The following UCHL5 variants were observed in gnomAD, a reference collection of about 807,000 sequenced individuals.
The protein encoded by UCHL5 is ubiquitin C-terminal hydrolase L5, also known as ubiquitin carboxyl-terminal hydrolase isozyme L5.
In UCHL5, 34 loss-of-function variants were observed where a neutral mutation model predicts 53.8. The ratio of observed to expected loss-of-function variants is 0.63; its 90% CI spans 0.48 to 0.84. The LOEUF (loss-of-function observed/expected upper bound fraction) is 0.84. Ranked by LOEUF, UCHL5 falls within the 40% of genes least tolerant of loss-of-function variation. UCHL5 has a pLI of 0.00. For synonymous variants in UCHL5, 111 were observed against 126.3 expected, an observed-to-expected ratio of 0.88 and a Z score of 0.81; for missense variants, 290 against 385.6, an observed-to-expected ratio of 0.75 and a Z score of 2.08.
intron 3 of UCHL5, among the ~76,000 whole-genome samples, chr1:193,042,285 A>C (rs1020675382): frequency 1.3e-5 from 2 of 152,222 alleles, no homozygotes; most frequent in African/African-American, 4.8e-5. Context: ...CGAGAAGTAC[A>C]TTGAACGATG....
At chr1:193,055,760 C>G (rs145753241) in intron 1 of UCHL5, among the ~76,000 whole-genome samples, 25 of 152,242 alleles carry the variant, frequency 1.6e-4, no homozygotes, top group Non-Finnish European at 3.1e-4. Context: ...GTATTGTTCA[C>G]TTAATGAATT....
chr1:193,027,945 A>G, intron 7 of UCHL5, 140 bp downstream of exon 7: 1 of 1,484,186 alleles, frequency 6.7e-7, no homozygotes, highest in Non-Finnish European at 8.9e-7. Context: ...CAACATGGTG[A>G]AAACCCGTCT....
At chr1:193,058,507 A>G (rs542323266) in intron 1 of UCHL5, among the ~76,000 whole-genome samples, 13 of 152,272 alleles carry the variant, frequency 8.5e-5, no homozygotes, top group Non-Finnish European at 1.6e-4. Flanking sequence ...GACGAAAGGC[A>G]CTAAATACAG....
intron 3 of UCHL5, among the ~76,000 whole-genome samples, chr1:193,046,547 G>A (rs1276379883): frequency 6.6e-6 from 1 of 151,478 alleles, no homozygotes; most frequent in African/African-American, 2.4e-5. Context: ...ATCTTCTCTA[G>A]GACTCGGTTT....
intron 3 of UCHL5, among the ~76,000 whole-genome samples, chr1:193,030,985 T>C (rs1166022599): frequency 6.6e-6 from 1 of 152,170 alleles, no homozygotes; most frequent in Admixed American, 6.5e-5. Context: ...TTTAAGCATT[T>C]TGTATTCAAA....
intron 3 of UCHL5, among the ~76,000 whole-genome samples, chr1:193,030,300 A>G (rs146684605): frequency 2.4e-4 from 37 of 152,328 alleles, no homozygotes; most frequent in African/African-American, 8.7e-4. Context: ...CTCTACATGC[A>G]TTATTTCTTT....
intron 3 of UCHL5, among the ~76,000 whole-genome samples, chr1:193,036,712 A>G (rs1004628564): frequency 6.6e-6 from 1 of 152,084 alleles, no homozygotes; most frequent in Non-Finnish European, 1.5e-5. Context: ...ATGGATATCC[A>G]GCATACACCG....
chr1:193,032,023 G>C (rs774770677), intron 3 of UCHL5, among the ~76,000 whole-genome samples: 6 of 152,156 alleles, frequency 3.9e-5, no homozygotes, highest in Admixed American at 1.3e-4. Flanking sequence ...AGTTTGGTTT[G>C]AATTCCTACG....
chr1:193,035,705 G>T (rs1663113530), intron 3 of UCHL5, among the ~76,000 whole-genome samples: 2 of 151,992 alleles, frequency 1.3e-5, no homozygotes, highest in Non-Finnish European at 2.9e-5. Context: ...GAATAATATT[G>T]TCACTATGGT....
intron 3 of UCHL5, among the ~76,000 whole-genome samples, chr1:193,047,806 T>C (rs1667823155): frequency 6.6e-6 from 1 of 152,196 alleles, no homozygotes; most frequent in African/African-American, 2.4e-5. Context: ...ATCTGCACTG[T>C]TGGCACAAAA....
intron 3 of UCHL5, among the ~76,000 whole-genome samples, chr1:193,036,477 C>T (rs950133453): frequency 2.0e-5 from 3 of 151,914 alleles, no homozygotes; most frequent in Non-Finnish European, 1.5e-5. Flanking sequence ...AATATGTATA[C>T]GCCTAACACC....
intron 3 of UCHL5, among the ~76,000 whole-genome samples, chr1:193,035,214 G>A (rs1186135096): frequency 6.6e-6 from 1 of 151,814 alleles, no homozygotes; most frequent in African/African-American, 2.4e-5. Flanking sequence ...ATAGATGAAA[G>A]TGAACTGCCT....
chr1:193,045,341 C>T (rs1192248686), intron 3 of UCHL5, among the ~76,000 whole-genome samples: 1 of 152,220 alleles, frequency 6.6e-6, no homozygotes. Flanking sequence ...ATCCCCAATG[C>T]TGAAGGTGGG....
At position 193,013,954 on chromosome 1, in the gene UCHL5, G is replaced by T. The variant is rs891606215; in HGVS notation, c.*2397C>A. The T allele has an allele frequency of 6.6e-6, 1 of 151,910 alleles. No homozygotes were observed. The highest frequency in any genetic ancestry group is 1.5e-5 in the Non-Finnish European group (1 of 67,966). The allele number at this position is 151,910 out of a possible 1,614,324, so 9.4% of individuals were successfully genotyped here. On this transcript the variant is annotated 3_prime_UTR_variant, in exon 11 of 11. Coordinates refer to ENST00000367454, the MANE Select transcript of UCHL5 (RefSeq NM_001199261.3). ...AGCCAGTGCCGCAGCTGTTGGCAAG[G>T]TTTTTGTTGATAATAACAGAAGTAC...
intron 7 of UCHL5, among the ~76,000 whole-genome samples, chr1:193,026,112 C>G (rs986760174): frequency 6.7e-6 from 1 of 150,066 alleles, no homozygotes; most frequent in Non-Finnish European, 1.5e-5. Flanking sequence ...AAAAATGACC[C>G]GTGATCTAAA....
At chr1:193,038,753 T>C (rs1187514689) in intron 3 of UCHL5, among the ~76,000 whole-genome samples, 1 of 151,944 alleles carries the variant, frequency 6.6e-6, no homozygotes, top group African/African-American at 2.4e-5. Context: ...CTCAGCACTT[T>C]GGGAGGCTGA....
intron 7 of UCHL5, chr1:193,027,826 C>G (rs952229201): frequency 8.7e-7 from 1 of 1,147,002 alleles, no homozygotes; most frequent in South Asian, 1.3e-5. Context: ...TTAACCCAAT[C>G]AAAAGTAGAT....
rs1029043932 is a variant in UCHL5, at chr1:193,013,565, T to C, written c.*2786A>G. On this transcript the variant is annotated 3_prime_UTR_variant, in exon 11 of 11. Coordinates refer to ENST00000367454, the MANE Select transcript of UCHL5 (RefSeq NM_001199261.3). Reference sequence around the variant, plus strand: ...ATGTTAATGTGCTCATCCCTGTAAATAGAAATATGGTAATTTAAATTTTAT... The same window carrying C: ...ATGTTAATGTGCTCATCCCTGTAAACAGAAATATGGTAATTTAAATTTTAT... 2.0e-5 allele frequency: 3 copies of C among 152,128 alleles called. No homozygotes were observed. The highest frequency in any genetic ancestry group is 2.9e-5 in the Non-Finnish European group (2 of 68,018). The allele number at this position is 152,128 out of a possible 1,614,324, so 9.4% of individuals were successfully genotyped here. A position where few individuals can be genotyped will look rare whatever the true frequency, so the allele number is the denominator to read the frequency against.
In UCHL5 at chr1:193,021,093, T is replaced by G; in HGVS notation, c.942+4A>C. 6.3e-7 allele frequency: 1 copy of G among 1,574,966 alleles called. No homozygotes were observed. The highest frequency in any genetic ancestry group is 8.7e-7 in the Non-Finnish European group (1 of 1,147,034). ...ATTTAAGTATCTACCAATAAAATAC[T>G]TACCTTTTCTACTAGTGGTATTAAC... On this transcript the variant is annotated splice_donor_region_variant and intron_variant, in intron 10 of 10. Coordinates refer to ENST00000367454, the MANE Select transcript of UCHL5 (RefSeq NM_001199261.3).
Sources: allele counts gnomAD v4.1 joint callset (sites outside exome capture counted in the v4.1 genomes callset), GRCh38; gene constraint gnomAD v4.1.1; transcripts MANE v1.5; gene names NCBI Gene and HGNC (gene_info 2026-07-23, HGNC 2026-07-21).